The following RIC8B variants were observed in gnomAD, a reference collection of about 807,000 sequenced individuals.
RIC8B encodes the protein chaperone Ric-8B.
In RIC8B, 16 loss-of-function variants were observed where a neutral mutation model predicts 57.5. The ratio of observed to expected loss-of-function variants is 0.28; its 90% CI spans 0.19 to 0.42. The LOEUF (loss-of-function observed/expected upper bound fraction) is 0.42, where lower values mean the gene tolerates loss of function less well. Among genes scored for constraint, RIC8B ranks in the 10% least tolerant of loss-of-function variants. The pLI is 1.00. For missense variants in RIC8B, 481 were observed against 677.0 expected, an observed-to-expected ratio of 0.71 and a Z score of 3.21; for synonymous variants, 216 against 250.8, an observed-to-expected ratio of 0.86 and a Z score of 1.31.
chr12:106,831,074 T>TGCC (rs2046334339), intron 4 of RIC8B, among the ~76,000 whole-genome samples: 1 of 152,178 alleles, frequency 6.6e-6, no homozygotes, highest in South Asian at 2.1e-4. Context: ...TCTTATAGAT[T>TGCC]TCCTTTCTTC....
intron 4 of RIC8B, 28 bp downstream of exon 4, chr12:106,825,848 A>G (rs368513419): frequency 8.1e-5 from 114 of 1,408,700 alleles, no homozygotes; most frequent in African/African-American, 1.7e-4. Flanking sequence ...TGATATCCCA[A>G]TGAAGGACAT....
intron 8 of RIC8B, among the ~76,000 whole-genome samples, chr12:106,861,201 G>A (rs1949918959): frequency 6.6e-6 from 1 of 152,016 alleles, no homozygotes; most frequent in South Asian, 2.1e-4. Context: ...CTGAAAATTG[G>A]AAAAGCATGC....
At chr12:106,789,216 C>G (rs1476381441) in intron 2 of RIC8B, among the ~76,000 whole-genome samples, 1 of 152,190 alleles carries the variant, frequency 6.6e-6, no homozygotes, top group African/African-American at 2.4e-5. Context: ...CTGAGACCAC[C>G]TCATCCTGGA....
At chr12:106,871,545 A>G in intron 9 of RIC8B, 1 of 151,028 alleles carries the variant, frequency 6.6e-6, no homozygotes, top group East Asian at 1.9e-4. Flanking sequence ...CTTCCCCTTC[A>G]AAAATAACCA....
intron 7 of RIC8B, among the ~76,000 whole-genome samples, chr12:106,855,827 C>T (rs1593320568): frequency 6.6e-6 from 1 of 152,192 alleles, no homozygotes; most frequent in East Asian, 1.9e-4. Flanking sequence ...GTATCTTTAG[C>T]CCCAACCTTT....
At chr12:106,817,459 C>T (rs2045623269) in intron 3 of RIC8B, among the ~76,000 whole-genome samples, 2 of 152,022 alleles carry the variant, frequency 1.3e-5, no homozygotes, top group African/African-American at 4.8e-5. Flanking sequence ...GGAAGTTAAA[C>T]AGTGTATGAA....
intron 2 of RIC8B, among the ~76,000 whole-genome samples, chr12:106,791,558 A>G (rs758509657): frequency 1.3e-5 from 2 of 152,236 alleles, no homozygotes; most frequent in East Asian, 3.8e-4. Context: ...AAATATATAT[A>G]AACACAAAAG....
At chr12:106,813,784 T>A (rs578139630) in intron 2 of RIC8B, among the ~76,000 whole-genome samples, 1 of 152,246 alleles carries the variant, frequency 6.6e-6, no homozygotes, top group Non-Finnish European at 1.5e-5. Flanking sequence ...AGTACAGAAA[T>A]GTTCGGTGAT....
At chr12:106,856,289 G>A (rs938938619) in intron 7 of RIC8B, among the ~76,000 whole-genome samples, 1 of 152,136 alleles carries the variant, frequency 6.6e-6, no homozygotes, top group African/African-American at 2.4e-5. Flanking sequence ...ATATAATCTT[G>A]TCATTCCCCT....
intron 3 of RIC8B, among the ~76,000 whole-genome samples, chr12:106,824,463 G>A (rs2046000591): frequency 6.6e-6 from 1 of 152,200 alleles, no homozygotes; most frequent in African/African-American, 2.4e-5. Flanking sequence ...AGTTGTGAAA[G>A]TGTGCCCTAA....
chr12:106,778,369 G>A (rs1021566639), intron 1 of RIC8B, among the ~76,000 whole-genome samples: 1 of 152,180 alleles, frequency 6.6e-6, no homozygotes, highest in African/African-American at 2.4e-5. Flanking sequence ...ATCCCAGAAA[G>A]AATGAAACTT....
Position 106,861,419 on chromosome 12 carries a change from C to T in RIC8B, c.1451+1007C>T, listed in dbSNP as rs1417660919. On this transcript the variant is annotated intron_variant, in intron 8 of 9. Coordinates refer to ENST00000392837, the MANE Select transcript of RIC8B (RefSeq NM_001330145.2). ...AAGAAATGATCAGTTCCCAATTAGACAGGACATATATGGCCTGTTTCTTGG... is the reference window on the plus strand; with the variant it reads ...AAGAAATGATCAGTTCCCAATTAGATAGGACATATATGGCCTGTTTCTTGG... Among the ~76,000 whole-genome samples, 4 of 152,052 alleles carry T rather than the reference C, an allele frequency of 2.6e-5. No homozygotes were observed. The East Asian group carries it at 7.7e-4, about 29-fold the overall frequency.
At chr12:106,864,665 T>G (rs918684915) in intron 8 of RIC8B, among the ~76,000 whole-genome samples, 1 of 152,178 alleles carries the variant, frequency 6.6e-6, no homozygotes, top group Non-Finnish European at 1.5e-5. Flanking sequence ...TCATTCTGCC[T>G]TTTTACTTTG....
Position 106,815,288 on chromosome 12 carries a change from G to T in RIC8B, c.725G>T (p.Trp242Leu). 6.2e-7 allele frequency: 1 copy of T among 1,612,196 alleles called. No individual in the cohort carries two copies. The change falls in exon 3 of 10, where the codon TGG becomes TTG. Residue 242 changes from tryptophan (W) to leucine (L), a missense_variant. This residue lies in a region of RIC8B where 421 missense variants were observed against 560.9 expected (regional missense o/e 0.75). Transcript: ENST00000392837. ...KALFNVTVDS[W>L]KVHKESDSHQ... ...CTCTTCAATGTGACGGTAGACAGTT[G>T]GAAGGTGCATAAAGAGGTAAGGTAG...
At chr12:106,820,641 G>GTGC (rs1311208799) in intron 3 of RIC8B, among the ~76,000 whole-genome samples, 4 of 152,260 alleles carry the variant, frequency 2.6e-5, no homozygotes, top group Non-Finnish European at 5.9e-5. Context: ...AGACATGTTA[G>GTGC]AAACAGACAA....
chr12:106,869,351 G>A (rs1950287397), intron 8 of RIC8B, among the ~76,000 whole-genome samples: 1 of 152,134 alleles, frequency 6.6e-6, no homozygotes, highest in Non-Finnish European at 1.5e-5. Flanking sequence ...GCCCTAGTCA[G>A]TAAAGAACTT....
chr12:106,844,057 T>A, intron 6 of RIC8B, 110 bp downstream of exon 6: 1 of 769,044 alleles, frequency 1.3e-6, no homozygotes, highest in Non-Finnish European at 2.2e-6. Context: ...AATCAGAAAC[T>A]CAGTCTTAAT....
At chr12:106,817,142 GTCTGTCAGTCAGTGAATATT>G (rs1196254599) in intron 3 of RIC8B, among the ~76,000 whole-genome samples, 2 of 152,154 alleles carry the variant, frequency 1.3e-5, no homozygotes, top group Non-Finnish European at 2.9e-5. Context: ...CATCCAATCA[GTCTGTCAGTCAGTGAATATT>G]TATGGTCAAT....
intron 6 of RIC8B, among the ~76,000 whole-genome samples, chr12:106,844,963 T>C (rs528610488): frequency 2.6e-5 from 4 of 152,320 alleles, no homozygotes; most frequent in African/African-American, 7.2e-5. Flanking sequence ...CCTTCTCTTA[T>C]TTAGTACCCT....
Sources: allele counts gnomAD v4.1 joint callset (sites outside exome capture counted in the v4.1 genomes callset), GRCh38; gene constraint gnomAD v4.1.1; regional missense constraint gnomAD v4.1.1; transcripts MANE v1.5; gene names NCBI Gene and HGNC (gene_info 2026-07-23, HGNC 2026-07-21).